Variants in C10orf67 observed in about 807,000 individuals in gnomAD.
The protein encoded by C10orf67 is chromosome 10 open reading frame 67.
Under a neutral mutation model 35.6 loss-of-function variants are expected in C10orf67, and 60 were observed. The observed-to-expected ratio is 1.68, with a 90% CI of 1.37 to 2.09. The LOEUF is 2.09. Ranked by LOEUF, C10orf67 falls within the 30% of genes most tolerant of loss-of-function variation. The probability of loss-of-function intolerance (pLI) is 0.00; values close to 1 mark genes in which losing one functional copy is unlikely to be tolerated. For missense variants in C10orf67, 474 were observed against 330.2 expected (o/e 1.44, Z -3.38); for synonymous variants, 167 against 115.8 (o/e 1.44, Z -2.84).
chr10:23,294,287 G>A (rs536160797), intron 5 of C10orf67, among the ~76,000 whole-genome samples: 1 of 151,914 alleles, frequency 6.6e-6, no homozygotes, highest in African/African-American at 2.4e-5. Flanking sequence ...ATGGTTGCAG[G>A]GCTCATCAGT....
chr10:23,329,010 A>G (rs552417748), intron 2 of C10orf67, among the ~76,000 whole-genome samples: 140 of 147,992 alleles, frequency 9.5e-4, no homozygotes, highest in Middle Eastern at 3.4e-3. Context: ...AAAAAAAAAA[A>G]AAAGAAAGAA....
chr10:23,271,090 A>T (rs986631249), intron 8 of C10orf67, among the ~76,000 whole-genome samples: 1 of 147,830 alleles, frequency 6.8e-6, no homozygotes, highest in African/African-American at 2.5e-5. Context: ...TTTACCAAGC[A>T]AAAGGAAAAC....
intron 4 of C10orf67, among the ~76,000 whole-genome samples, chr10:23,305,130 A>G (rs1844227738): frequency 6.6e-6 from 1 of 152,224 alleles, no homozygotes; most frequent in Non-Finnish European, 1.5e-5. Flanking sequence ...ACATAAGGCT[A>G]TATAGTTAGT....
At chr10:23,249,626 A>G (rs1842400141) in intron 12 of C10orf67, among the ~76,000 whole-genome samples, 3 of 152,234 alleles carry the variant, frequency 2.0e-5, no homozygotes, top group Non-Finnish European at 2.9e-5. Context: ...CCAGGTATAG[A>G]ATTTTATACA....
chr10:23,241,786 T>C (rs1002570332), intron 12 of C10orf67, among the ~76,000 whole-genome samples: 3 of 151,908 alleles, frequency 2.0e-5, no homozygotes, highest in Admixed American at 1.3e-4. Flanking sequence ...CATTGACCCA[T>C]AGATTCAAGA....
chr10:23,331,678 AAAGGGAAGGGAAG>A (rs1845493504), intron 2 of C10orf67, among the ~76,000 whole-genome samples: 3 of 140,696 alleles, frequency 2.1e-5, no homozygotes, highest in African/African-American at 5.3e-5. Context: ...GGGAAAAGGG[AAAGGGAAGGGAAG>A]AAGGGAAGGG....
At chr10:23,253,120 A>G (rs757587424) in intron 10 of C10orf67, among the ~76,000 whole-genome samples, 18 of 152,222 alleles carry the variant, frequency 1.2e-4, no homozygotes, top group Admixed American at 2.6e-4. Flanking sequence ...TGTGGAACTG[A>G]AAGTCCATTA....
In C10orf67 at chr10:23,344,686, G is replaced by T. The variant is rs1471633751; in HGVS notation, c.89C>A (p.Thr30Asn). 6.3e-7 allele frequency: 1 copy of T among 1,577,804 alleles called. No individual in the cohort carries two copies. The highest frequency in any genetic ancestry group is 1.8e-5 in the Admixed American group (1 of 54,196). ...CATGGCCTCCCAGCGTGTGCCAAAG[G>T]TCCCCCTCAAGGAGGAGGAAAAGCA... The part of the protein sequence containing the change: ...VHCFSSSLRG[T>N]FGTRWEAMKA... Residue 30 changes from threonine (T) to asparagine (N), a missense_variant, in exon 1 of 16, where the codon ACC becomes AAC. Physicochemically the swap from Thr to Asn is moderately conservative, Grantham distance 65. Coordinates refer to ENST00000636213, the MANE Select transcript of C10orf67 (RefSeq NM_001371909.1).
chr10:23,343,251 G>A (rs1316096578), intron 1 of C10orf67, among the ~76,000 whole-genome samples: 4 of 152,146 alleles, frequency 2.6e-5, no homozygotes, highest in Non-Finnish European at 5.9e-5. Flanking sequence ...GAGGTGACTA[G>A]GTCATGAAAG....
intron 8 of C10orf67, among the ~76,000 whole-genome samples, chr10:23,277,873 C>T (rs554920304): frequency 2.0e-4 from 30 of 152,204 alleles, no homozygotes; most frequent in African/African-American, 4.8e-4. Flanking sequence ...CGGTTCTGCA[C>T]GCTGTACAGG....
chr10:23,270,019 G>A (rs1468851706), intron 8 of C10orf67, among the ~76,000 whole-genome samples: 3 of 152,006 alleles, frequency 2.0e-5, no homozygotes, highest in South Asian at 2.1e-4. Flanking sequence ...CCCAACAATG[G>A]CAGAAAACAC....
chr10:23,213,243 G>A (rs1164855347), intron 15 of C10orf67, among the ~76,000 whole-genome samples: 1 of 152,156 alleles, frequency 6.6e-6, no homozygotes, highest in African/African-American at 2.4e-5. Context: ...TGGAGGCATG[G>A]AGAAGAGATT....
chr10:23,336,605 C>T (rs1424066717), intron 1 of C10orf67, among the ~76,000 whole-genome samples: 4 of 152,148 alleles, frequency 2.6e-5, no homozygotes, highest in African/African-American at 9.7e-5. Flanking sequence ...ATCTCTGCCT[C>T]CTGGGTTCAA....
intron 13 of C10orf67, among the ~76,000 whole-genome samples, chr10:23,225,076 C>T (rs1820845653): frequency 6.6e-6 from 1 of 151,980 alleles, no homozygotes; most frequent in Admixed American, 6.6e-5. Context: ...GTCAGATTCA[C>T]CAAAATTGAA....
At chr10:23,222,320 T>A (rs2132104772) in intron 15 of C10orf67, among the ~76,000 whole-genome samples, 1 of 152,248 alleles carries the variant, frequency 6.6e-6, no homozygotes, top group South Asian at 2.1e-4. Context: ...CAAGGCAAAA[T>A]CCTCAATTGA....
intron 10 of C10orf67, among the ~76,000 whole-genome samples, chr10:23,261,113 A>G (rs1018822560): frequency 5.9e-5 from 9 of 152,172 alleles, no homozygotes; most frequent in African/African-American, 2.2e-4. Context: ...TGGACTCTAC[A>G]GTGCTTCATG....
chr10:23,305,873 T>C (rs541070055), intron 4 of C10orf67, among the ~76,000 whole-genome samples: 3 of 152,256 alleles, frequency 2.0e-5, no homozygotes, highest in East Asian at 3.9e-4. Flanking sequence ...ATATTTGCAT[T>C]CCTATGTTCA....
At chr10:23,309,345 A>T (rs1012339499) in intron 4 of C10orf67, among the ~76,000 whole-genome samples, 1 of 152,202 alleles carries the variant, frequency 6.6e-6, no homozygotes, top group African/African-American at 2.4e-5. Context: ...CAACGGGTAC[A>T]CATGAACATA....
At chr10:23,269,924 T>C (rs1486087815) in intron 8 of C10orf67, among the ~76,000 whole-genome samples, 1 of 152,114 alleles carries the variant, frequency 6.6e-6, no homozygotes, top group Non-Finnish European at 1.5e-5. Flanking sequence ...ATAACACTCC[T>C]GTCTCAGAAA....
Sources: allele counts gnomAD v4.1 joint callset (sites outside exome capture counted in the v4.1 genomes callset), GRCh38; gene constraint gnomAD v4.1.1; transcripts MANE v1.5; gene names NCBI Gene and HGNC (gene_info 2026-07-23, HGNC 2026-07-21).